Variants in GPC5 observed in about 807,000 individuals in gnomAD.
GPC5 encodes the protein glypican-5.
A neutral mutation model predicts 53.9 loss-of-function variants in GPC5; 47 were observed. That is an observed-to-expected ratio of 0.87 (90% CI 0.69 to 1.11). The LOEUF (loss-of-function observed/expected upper bound fraction) is 1.11. Among genes scored for constraint, GPC5 ranks in the 50% most tolerant of loss-of-function variants. The pLI, the probability that GPC5 is intolerant of heterozygous loss-of-function variation, is 0.00. For synonymous variants in GPC5, 286 were observed against 263.3 expected, an observed-to-expected ratio of 1.09 and a Z score of -0.84; for missense variants, 748 against 713.1, an observed-to-expected ratio of 1.05 and a Z score of -0.56.
chr13:92,836,184 CTT>C lies in GPC5; in HGVS notation c.1562-30093_1562-30092del, dbSNP rs373237581. ...GTGTTTGTATTTTCATATAGAATAT[CTT>C]TTTTATAGCTTATTTTTTCTAGTTT... is the stretch of plus-strand genomic sequence containing the variant. On this transcript the variant is annotated intron_variant, in intron 7 of 7. Coordinates refer to ENST00000377067, the MANE Select transcript of GPC5 (RefSeq NM_004466.6). Among the ~76,000 whole-genome samples, 31 of 152,024 alleles carry C rather than the reference CTT, an allele frequency of 2.0e-4. No individual in the cohort carries two copies. The East Asian group carries it at 4.6e-3, about 23-fold the overall frequency.
At chr13:91,884,693 G>A (rs1241154990) in intron 5 of GPC5, among the ~76,000 whole-genome samples, 2 of 152,204 alleles carry the variant, frequency 1.3e-5, no homozygotes, top group Admixed American at 6.5e-5. Context: ...GACCAGTTAA[G>A]AGGCCTTTGC....
intron 7 of GPC5, among the ~76,000 whole-genome samples, chr13:92,455,311 A>G (rs899999668): frequency 6.6e-6 from 1 of 152,218 alleles, no homozygotes; most frequent in Non-Finnish European, 1.5e-5. Context: ...TCAAGGGAAA[A>G]GGATAGAAAT....
intron 7 of GPC5, among the ~76,000 whole-genome samples, chr13:92,383,689 A>T (rs2043769041): frequency 6.6e-6 from 1 of 152,170 alleles, no homozygotes; most frequent in African/African-American, 2.4e-5. Context: ...TCTTTATGTA[A>T]TTATTTCAGC....
At chr13:91,839,272 A>T (rs2038757442) in intron 5 of GPC5, among the ~76,000 whole-genome samples, 1 of 152,164 alleles carries the variant, frequency 6.6e-6, no homozygotes, top group Non-Finnish European at 1.5e-5. Flanking sequence ...GATTGCTCAG[A>T]TTTTAAAATT....
chr13:92,213,839 G>A (rs1258432232), intron 7 of GPC5, among the ~76,000 whole-genome samples: 1 of 152,226 alleles, frequency 6.6e-6, no homozygotes, highest in East Asian at 1.9e-4. Flanking sequence ...AGTTAAAGCT[G>A]GAAGATTCAA....
chr13:91,888,674 G>A (rs1294205654), intron 5 of GPC5, among the ~76,000 whole-genome samples: 2 of 152,096 alleles, frequency 1.3e-5, no homozygotes, highest in Admixed American at 1.3e-4. Context: ...TCATGTTACT[G>A]CTTTCTGGGT....
intron 2 of GPC5, among the ~76,000 whole-genome samples, chr13:91,570,139 T>A (rs372836042): frequency 4.4e-4 from 67 of 152,288 alleles, no homozygotes; most frequent in African/African-American, 1.6e-3. Context: ...AAAGTCGCCA[T>A]AAACAAACTT....
chr13:92,602,972 G>T (rs1048338030), intron 7 of GPC5, among the ~76,000 whole-genome samples: 8 of 152,148 alleles, frequency 5.3e-5, no homozygotes, highest in African/African-American at 7.2e-5. Context: ...GGACAAAATT[G>T]ATTCCTCCGG....
At chr13:91,903,155 T>C (rs1175256777) in intron 5 of GPC5, among the ~76,000 whole-genome samples, 1 of 152,006 alleles carries the variant, frequency 6.6e-6, no homozygotes, top group Admixed American at 6.6e-5. Context: ...ACATAACTGA[T>C]TCGTTTTAAA....
intron 7 of GPC5, among the ~76,000 whole-genome samples, chr13:92,260,513 C>T (rs1018549076): frequency 1.3e-5 from 2 of 152,168 alleles, no homozygotes; most frequent in Non-Finnish European, 2.9e-5. Context: ...CTTCACTGAG[C>T]TCCCTCTGTT....
chr13:91,556,923 C>T (rs951433986), intron 2 of GPC5, among the ~76,000 whole-genome samples: 6 of 151,946 alleles, frequency 3.9e-5, no homozygotes, highest in South Asian at 2.1e-4. Context: ...CACTAAAGAA[C>T]TTACTCATGT....
chr13:92,265,836 C>A (rs2042798955), intron 7 of GPC5, among the ~76,000 whole-genome samples: 1 of 152,132 alleles, frequency 6.6e-6, no homozygotes, highest in Non-Finnish European at 1.5e-5. Flanking sequence ...TTACAGTGAA[C>A]CAAAACTTAC....
At chr13:92,273,221 T>C (rs1926622) in intron 7 of GPC5, among the ~76,000 whole-genome samples, 19,862 of 152,052 alleles carry the variant, frequency 0.13, 1,549 homozygotes, top group African/African-American at 0.22. Context: ...TATTCCCAAT[T>C]CCCAGCACCA....
chr13:91,751,457 C>T (rs1416065585), intron 4 of GPC5, among the ~76,000 whole-genome samples: 1 of 152,192 alleles, frequency 6.6e-6, no homozygotes, highest in Non-Finnish European at 1.5e-5. Flanking sequence ...GATCAGCAGC[C>T]ATTACTGCTT....
intron 7 of GPC5, among the ~76,000 whole-genome samples, chr13:92,488,029 T>C (rs1879622165): frequency 6.6e-6 from 1 of 152,042 alleles, no homozygotes; most frequent in Admixed American, 6.6e-5. Flanking sequence ...AACTGTATAC[T>C]TATAATATTT....
intron 6 of GPC5, among the ~76,000 whole-genome samples, chr13:92,034,038 C>A (rs962011331): frequency 6.6e-6 from 1 of 152,086 alleles, no homozygotes; most frequent in Admixed American, 6.5e-5. Flanking sequence ...GAATACTATA[C>A]AGCAAAGAAA....
intron 1 of GPC5, among the ~76,000 whole-genome samples, chr13:91,443,647 G>A (rs917253185): frequency 2.6e-5 from 4 of 152,156 alleles, no homozygotes; most frequent in Admixed American, 6.5e-5. Context: ...TTCAAGAAGC[G>A]CTGATTTCTT....
rs373607403 is a variant in GPC5 at position 91,483,537 on chromosome 13, C to T, written c.325+34615C>T. 9.3e-4 allele frequency among the ~76,000 whole-genome samples: 142 copies of T among 152,270 alleles called. 1 individual carries two copies. In the South Asian group the frequency reaches 0.022, roughly 24 times the overall value. On this transcript the variant is annotated intron_variant, in intron 2 of 7. Coordinates refer to ENST00000377067, the MANE Select transcript of GPC5 (RefSeq NM_004466.6). ...TGTTCCTGGTAATTAAATGCTGCCT[C>T]CTGAGCTTGGCCATCCAGAGCTTCC...
At chr13:92,838,735 A>G (rs1248552577) in intron 7 of GPC5, among the ~76,000 whole-genome samples, 2 of 152,158 alleles carry the variant, frequency 1.3e-5, no homozygotes, top group Admixed American at 1.3e-4. Flanking sequence ...GTAGAAATAT[A>G]TAAAAAGATA....
Sources: allele counts gnomAD v4.1 joint callset (sites outside exome capture counted in the v4.1 genomes callset), GRCh38; gene constraint gnomAD v4.1.1; transcripts MANE v1.5; gene names NCBI Gene and HGNC (gene_info 2026-07-23, HGNC 2026-07-21).